The following IQGAP2 variants were observed in gnomAD, a reference collection of about 807,000 sequenced individuals.
IQGAP2 encodes ras GTPase-activating-like protein IQGAP2.
In IQGAP2, 173 loss-of-function variants were observed where a neutral mutation model predicts 201.3. The observed-to-expected ratio is 0.86, with a 90% confidence interval of 0.76 to 0.98. The LOEUF (loss-of-function observed/expected upper bound fraction) is 0.98, where lower values mean the gene tolerates loss of function less well. Among genes scored for constraint, IQGAP2 ranks in the 50% least tolerant of loss-of-function variants. IQGAP2 has a pLI of 0.00. For missense variants in IQGAP2, 1,687 were observed against 1,864.8 expected (o/e 0.90, Z 1.76); for synonymous variants, 675 against 673.9 (o/e 1.00, Z -0.03).
At chr5:76,411,751 T>C (rs7731240) in intron 1 of IQGAP2, among the ~76,000 whole-genome samples, 66,033 of 152,072 alleles carry the variant, frequency 0.43, 15,122 homozygotes, top group Non-Finnish European at 0.5. Context: ...AATGACCCAG[T>C]CTCAGGTATT....
intron 4 of IQGAP2, among the ~76,000 whole-genome samples, chr5:76,570,981 C>G (rs553102220): frequency 6.6e-6 from 1 of 151,980 alleles, no homozygotes; most frequent in East Asian, 1.9e-4. Flanking sequence ...TAAGTCTCAG[C>G]CACTTTTGGT....
At chr5:76,665,371 A>G (rs983452281) in intron 22 of IQGAP2, among the ~76,000 whole-genome samples, 196 bp downstream of exon 22, 1 of 152,218 alleles carries the variant, frequency 6.6e-6, no homozygotes, top group Non-Finnish European at 1.5e-5. Flanking sequence ...GGGAGCCGTG[A>G]GAGAATGAGT....
intron 30 of IQGAP2, among the ~76,000 whole-genome samples, chr5:76,689,911 T>G (rs1265972973): frequency 6.6e-6 from 1 of 152,112 alleles, no homozygotes; most frequent in Non-Finnish European, 1.5e-5. Context: ...ATGAATGGAG[T>G]GGCCAAACCC....
intron 1 of IQGAP2, among the ~76,000 whole-genome samples, chr5:76,427,777 G>A (rs998630717): frequency 2.0e-5 from 3 of 152,198 alleles, no homozygotes; most frequent in African/African-American, 7.2e-5. Context: ...GCTCTGCTAC[G>A]GACCAGTTCT....
At position 76,606,278 on chromosome 5, in the gene IQGAP2, T is replaced by C. The variant is rs1288463021; in HGVS notation, c.1332T>C (p.Asn444=). 1.2e-6 allele frequency: 2 copies of C among 1,600,504 alleles called. No individual in the cohort carries two copies. Among genetic ancestry groups the C allele is most frequent in the South Asian group, 1.1e-5 (1 of 87,494 alleles). The change falls in exon 12 of 36, where the codon AAT becomes AAC. Residue 444 remains asparagine (N), a synonymous_variant. Coordinates refer to ENST00000274364, the MANE Select transcript of IQGAP2 (RefSeq NM_006633.5). ...TTCAGAATTGTATTGATATGGTTAATGCTCAAATTCAAGAAGAAAATGACC... is the reference window on the plus strand; with the variant it reads ...TTCAGAATTGTATTGATATGGTTAACGCTCAAATTCAAGAAGAAAATGACC... The part of the protein sequence containing the change: ...NEIQNCIDMV[N]AQIQEENDRV...
intron 11 of IQGAP2, among the ~76,000 whole-genome samples, chr5:76,602,362 C>T (rs974717580): frequency 6.6e-6 from 1 of 152,128 alleles, no homozygotes; most frequent in Non-Finnish European, 1.5e-5. Context: ...GACTATTCCA[C>T]ATATTTAGCA....
intron 2 of IQGAP2, among the ~76,000 whole-genome samples, chr5:76,491,949 TCTC>T (rs1439235323): frequency 6.6e-6 from 1 of 152,144 alleles, no homozygotes; most frequent in Non-Finnish European, 1.5e-5. Flanking sequence ...TACTGATTTG[TCTC>T]CTCTCGATTC....
chr5:76,610,330 AG>A (rs2150340517), intron 12 of IQGAP2, among the ~76,000 whole-genome samples: 1 of 150,984 alleles, frequency 6.6e-6, no homozygotes, highest in African/African-American at 2.4e-5. Context: ...ACACATGAAA[AG>A]ATGCTCAAAA....
chr5:76,515,330 GGT>G (rs1758248222), intron 2 of IQGAP2, among the ~76,000 whole-genome samples: 2 of 152,128 alleles, frequency 1.3e-5, no homozygotes, highest in African/African-American at 4.8e-5. Flanking sequence ...TGAGGAATCT[GGT>G]GACTATTTTA....
chr5:76,576,480 C>T (rs1252772740), intron 5 of IQGAP2, among the ~76,000 whole-genome samples: 1 of 152,138 alleles, frequency 6.6e-6, no homozygotes, highest in Non-Finnish European at 1.5e-5. Flanking sequence ...CTTGAATGTA[C>T]ACAGGTAATG....
chr5:76,403,446 C>A lies in IQGAP2; in HGVS notation c.-100C>A. 1.1e-6 allele frequency: 1 copy of A among 884,442 alleles called. No individual in the cohort carries two copies. The allele number at this position is 884,442 out of a possible 1,614,324, so 54.8% of individuals were successfully genotyped here. A position where few individuals can be genotyped will look rare whatever the true frequency, so the allele number is the denominator to read the frequency against. ...GCGGCTAGGGGAAATCGGCGAGAGG[C>A]GGGATCCGAGCGCGCCGGCGGGGCG... On this transcript the variant is annotated 5_prime_UTR_variant, in exon 1 of 36. Transcript: ENST00000274364. This position sits in a 1 kb window ranked among gnomAD's most constrained non-coding sequence, Gnocchi z 4.8.
chr5:76,635,014 G>T (rs1751012735), intron 15 of IQGAP2, among the ~76,000 whole-genome samples: 1 of 152,148 alleles, frequency 6.6e-6, no homozygotes, highest in African/African-American at 2.4e-5. Flanking sequence ...GAAAAATGTA[G>T]GAATTCTACT....
chr5:76,498,542 A>G (rs1365000829), intron 2 of IQGAP2, among the ~76,000 whole-genome samples: 2 of 152,176 alleles, frequency 1.3e-5, no homozygotes, highest in Non-Finnish European at 2.9e-5. Flanking sequence ...ATATGCCAGC[A>G]TTGTGACCTT....
At chr5:76,440,099 T>C (rs1480140086) in intron 1 of IQGAP2, among the ~76,000 whole-genome samples, 2 of 152,250 alleles carry the variant, frequency 1.3e-5, no homozygotes, top group African/African-American at 4.8e-5. Context: ...TTATTTCTCC[T>C]TCATTTATGA....
intron 1 of IQGAP2, among the ~76,000 whole-genome samples, chr5:76,424,000 T>G (rs993595763): frequency 2.0e-5 from 3 of 152,198 alleles, no homozygotes; most frequent in Non-Finnish European, 4.4e-5. Context: ...TTAGAAGCTC[T>G]TTAATCAGGC....
intron 8 of IQGAP2, among the ~76,000 whole-genome samples, chr5:76,590,839 C>T (rs952130987): frequency 7.2e-5 from 11 of 152,156 alleles, no homozygotes; most frequent in Admixed American, 7.2e-4. Context: ...ATAATCCCAG[C>T]ACTTTGGGAG....
intron 13 of IQGAP2, among the ~76,000 whole-genome samples, chr5:76,620,277 A>G (rs1749509281): frequency 6.6e-6 from 1 of 152,348 alleles, no homozygotes; most frequent in South Asian, 2.1e-4. Context: ...GTCATCATTC[A>G]TAGCTCAGTG....
At chr5:76,462,218 G>A (rs892323572) in intron 2 of IQGAP2, among the ~76,000 whole-genome samples, 3 of 152,096 alleles carry the variant, frequency 2.0e-5, no homozygotes, top group South Asian at 2.1e-4. Context: ...TCCTTTTTCC[G>A]CAGAGCTTCC....
chr5:76,685,639 A>G (rs180855969), intron 30 of IQGAP2, among the ~76,000 whole-genome samples: 1 of 152,294 alleles, frequency 6.6e-6, no homozygotes, highest in Admixed American at 6.5e-5. Flanking sequence ...AACCTGGGAC[A>G]TTGTCCTGTT....
Sources: allele counts gnomAD v4.1 joint callset (sites outside exome capture counted in the v4.1 genomes callset), GRCh38; gene constraint gnomAD v4.1.1; non-coding constraint Gnocchi (gnomAD v3.1); transcripts MANE v1.5; gene names NCBI Gene and HGNC (gene_info 2026-07-23, HGNC 2026-07-21).